PVT1: variants seen among roughly 807,000 people sequenced by gnomAD.
The protein encoded by PVT1 is CXCR4/PVT1 fusion.
chr8:127,831,640 T>G (rs1469485332), intron 2 of PVT1, among the ~76,000 whole-genome samples: 1 of 151,934 alleles, frequency 6.6e-6, no homozygotes, highest in African/African-American at 2.4e-5. Flanking sequence ...CTGGAAAAGG[T>G]GATTACAAGG....
At chr8:128,072,898 A>G (rs1029925966) in intron 5 of PVT1, among the ~76,000 whole-genome samples, 4 of 151,756 alleles carry the variant, frequency 2.6e-5, no homozygotes, top group African/African-American at 9.7e-5. Flanking sequence ...CAGTGGTGCA[A>G]TCTCAACTCA....
chr8:127,804,138 C>T (rs1243542804), intron 2 of PVT1, among the ~76,000 whole-genome samples: 1 of 152,086 alleles, frequency 6.6e-6, no homozygotes, highest in Non-Finnish European at 1.5e-5. Flanking sequence ...CTTGCTCGAA[C>T]CCAGAAGTTT....
intron 5 of PVT1, among the ~76,000 whole-genome samples, chr8:128,087,747 C>CTTTTTTTTTTTTTTT (rs71568675): frequency 1.3e-5 from 1 of 76,610 alleles, no homozygotes; most frequent in African/African-American, 4.9e-5. Context: ...TGATGTGCTA[C>CTTTTTTTTTTTTTTT]TTTTTTTTTT....
chr8:127,983,840 G>C (rs1816911327), intron 3 of PVT1: 2 of 149,546 alleles, frequency 1.3e-5, no homozygotes, highest in Non-Finnish European at 3.0e-5. Flanking sequence ...GCATTTAGTG[G>C]CTGTGTCTCA....
intron 3 of PVT1, among the ~76,000 whole-genome samples, chr8:127,964,453 T>G (rs564705956): frequency 6.6e-6 from 1 of 152,228 alleles, no homozygotes; most frequent in East Asian, 1.9e-4. Context: ...CCCTCCAGAG[T>G]CAAAGCCTGG....
intron 4 of PVT1, among the ~76,000 whole-genome samples, chr8:128,025,246 T>G (rs765802570): frequency 3.3e-5 from 5 of 152,172 alleles, no homozygotes; most frequent in Non-Finnish European, 7.4e-5. Flanking sequence ...CTTCCGTCAT[T>G]GCACCCTGGG....
intron 3 of PVT1, among the ~76,000 whole-genome samples, chr8:127,957,811 A>G (rs941884799): frequency 2.0e-5 from 3 of 152,218 alleles, no homozygotes; most frequent in Non-Finnish European, 4.4e-5. Context: ...ATGCACACAC[A>G]CACAAGGTGC....
intron 2 of PVT1, among the ~76,000 whole-genome samples, chr8:127,876,241 G>A (rs1447592821): frequency 2.2e-5 from 3 of 135,206 alleles, no homozygotes; most frequent in Admixed American, 7.5e-5. Context: ...TCACACACAC[G>A]CCCCAAACAG....
intron 3 of PVT1, among the ~76,000 whole-genome samples, chr8:127,935,245 C>T (rs868437491): frequency 8.5e-5 from 13 of 152,214 alleles, no homozygotes; most frequent in Middle Eastern, 3.4e-3. Context: ...GGATTACAGG[C>T]GTGAGCCCTG....
At position 127,885,549 on chromosome 8, in the gene PVT1, T is replaced by C. The variant is rs181886197; in HGVS notation, n.373-5040T>C. Among the ~76,000 whole-genome samples, 477 of 152,248 alleles carry C rather than the reference T, an allele frequency of 3.1e-3. 5 individuals carry two copies. Among genetic ancestry groups the C allele is most frequent in the Non-Finnish European group, 4.7e-3 (323 of 68,014 alleles). On this transcript the variant is annotated intron_variant and non_coding_transcript_variant, in intron 2 of 10. Coordinates refer to ENST00000651587, the Ensembl canonical transcript of PVT1. ...ATCAAATAAGGTATTTTATACCTCT[T>C]TTATAAGGGCACTAAGCCCTCCAGC... is the stretch of plus-strand genomic sequence containing the variant.
intron 3 of PVT1, among the ~76,000 whole-genome samples, chr8:127,917,933 T>C (rs1285469713): frequency 6.6e-6 from 1 of 152,196 alleles, no homozygotes; most frequent in Non-Finnish European, 1.5e-5. Flanking sequence ...CCCTCAACCC[T>C]GTCCCCCACA....
chr8:127,998,535 TTCTCTCTCTC>T (rs34462486), intron 4 of PVT1, among the ~76,000 whole-genome samples: 4 of 143,468 alleles, frequency 2.8e-5, no homozygotes, highest in South Asian at 2.3e-4. Flanking sequence ...CCTTCTTTCT[TTCTCTCTCTC>T]TCTCTCTCTC....
At chr8:127,843,153 C>T (rs189887567) in intron 2 of PVT1, among the ~76,000 whole-genome samples, 3 of 152,150 alleles carry the variant, frequency 2.0e-5, no homozygotes, top group Non-Finnish European at 4.4e-5. Context: ...GTCAGGAGTT[C>T]GAGACCAACC....
chr8:127,985,733 T>A (rs1816961989), intron 3 of PVT1, among the ~76,000 whole-genome samples: 1 of 152,182 alleles, frequency 6.6e-6, no homozygotes, highest in South Asian at 2.1e-4. Context: ...ACTCAGGAGC[T>A]TCCCAGGGGA....
At chr8:127,816,489 A>G (rs76527695) in intron 2 of PVT1, among the ~76,000 whole-genome samples, 1 of 144,432 alleles carries the variant, frequency 6.9e-6, no homozygotes, top group Non-Finnish European at 1.5e-5. Context: ...GTCATGGATG[A>G]AAAAAAAAAA....
At chr8:128,027,366 A>G (rs1813315884) in intron 4 of PVT1, among the ~76,000 whole-genome samples, 1 of 152,176 alleles carries the variant, frequency 6.6e-6, no homozygotes. Flanking sequence ...CAAGGTGGTG[A>G]TTCCCTTGGG....
chr8:128,058,313 C>A (rs13248311), intron 4 of PVT1, among the ~76,000 whole-genome samples: 43,553 of 151,776 alleles, frequency 0.29, 7,221 homozygotes, highest in Middle Eastern at 0.44. Flanking sequence ...ACAGTACATA[C>A]CTCTTCCAGA....
In PVT1 at chr8:127,865,096, C is replaced by T. The variant is rs532553172; in HGVS notation, n.373-25493C>T. Among the ~76,000 whole-genome samples, 5 of 152,274 alleles carry T rather than the reference C, an allele frequency of 3.3e-5. No homozygotes were observed. In the South Asian group the frequency reaches 6.2e-4, roughly 19 times the overall value. On this transcript the variant is annotated intron_variant and non_coding_transcript_variant, in intron 2 of 10. Transcript: ENST00000651587. ...ATTCTTAGAGCTGTGTGGCCCTGGGCGAGTCTCTTGCCACTATTTCTTCAT... is the reference window on the plus strand; with the variant it reads ...ATTCTTAGAGCTGTGTGGCCCTGGGTGAGTCTCTTGCCACTATTTCTTCAT...
At chr8:128,021,766 A>C (rs571098462) in intron 4 of PVT1, among the ~76,000 whole-genome samples, 1 of 152,326 alleles carries the variant, frequency 6.6e-6, no homozygotes, top group Admixed American at 6.5e-5. Flanking sequence ...TTAATGAACA[A>C]CTGCAGGCAA....
Sources: allele counts gnomAD v4.1 joint callset (sites outside exome capture counted in the v4.1 genomes callset), GRCh38; gene constraint gnomAD v4.1.1; transcripts MANE v1.5; gene names NCBI Gene and HGNC (gene_info 2026-07-23, HGNC 2026-07-21).